The following ARMCX4 variants were observed in gnomAD, a reference collection of about 807,000 sequenced individuals.
ARMCX4 encodes the protein armadillo repeat containing X-linked 4.
A neutral mutation model predicts 34.7 loss-of-function variants in ARMCX4; 3 were observed. The observed-to-expected ratio is 0.09, with a 90% CI of 0.04 to 0.22. The LOEUF (loss-of-function observed/expected upper bound fraction) is 0.22. Ranked by LOEUF, ARMCX4 falls within the 10% of genes least tolerant of loss-of-function variation. ARMCX4 has a pLI of 1.00. For missense variants in ARMCX4, 1,448 were observed against 1,720.8 expected (o/e 0.84, Z 2.81); for synonymous variants, 513 against 632.8 (o/e 0.81, Z 2.84).
intron 12 of ARMCX4, chrX:101,532,724 T>C (rs375118569): frequency 7.2e-5 from 8 of 111,667 alleles, no homozygotes; most frequent in African/African-American, 2.6e-4. Flanking sequence ...AAGAATGAAG[T>C]TGATTATTGA....
Position 101,492,669 on chromosome X carries a change from C to T in ARMCX4, c.4080C>T (p.Ala1360=), listed in dbSNP as rs782153329. The stretch of plus-strand genomic sequence containing the variant: ...CTTGGGCTGACACTGCAGACCAAGC[C>T]AGTGGAGGGTCTAGGCTGGGCCACG... ...GRSWADTADQ[A]SGGSRLGHVD... Residue 1360 remains alanine, a synonymous_variant, in exon 6 of 6, where the codon GCC becomes GCT. Transcript: ENST00000423738. 5 of 1,130,636 alleles carry T rather than the reference C, an allele frequency of 4.4e-6. No homozygotes were observed. In the East Asian group the frequency reaches 1.6e-4, roughly 37 times the overall value. 93.2% of individuals were successfully genotyped at this position (1,130,636 alleles called of 1,213,427 possible).
At chrX:101,461,957 T>A (rs1932630872) in intron 4 of ARMCX4, among the ~76,000 whole-genome samples, 1 of 112,066 alleles carries the variant, frequency 8.9e-6, no homozygotes, top group African/African-American at 3.2e-5. Flanking sequence ...TTGTGATATG[T>A]TAGGCAGACT....
rs781918521 is a variant in ARMCX4, at chrX:101,491,198, C to T, written c.2609C>T (p.Pro870Leu). 1.7e-6 allele frequency: 2 copies of T among 1,154,772 alleles called. No individual in the cohort carries two copies. The highest frequency in any genetic ancestry group is 3.6e-5 in the African/African-American group (2 of 55,869). ...AREDTVGSTQPQVLASSQRET... is the reference protein window; with the variant it reads ...AREDTVGSTQLQVLASSQRET... The stretch of plus-strand genomic sequence containing the variant: ...GAAGATACAGTGGGCTCTACCCAGC[C>T]TCAGGTTTTGGCCAGCTCCCAGCGT... The change falls in exon 6 of 6, where the codon CCT (proline) becomes CTT (leucine). Residue 870 changes from proline (P) to leucine (L), a missense_variant. Physicochemically the swap from Pro to Leu is moderately conservative, Grantham distance 98. Transcript: ENST00000423738.
At chrX:101,510,993 CTT>C (rs1378952032) in intron 10 of ARMCX4, 1 of 111,191 alleles carries the variant, frequency 9.0e-6, no homozygotes, top group Non-Finnish European at 1.9e-5. Context: ...TATTTTGAAA[CTT>C]ATCAATAATA....
Position 101,522,162 on chromosome X carries a change from A to G in ARMCX4, c.*1781-9482A>G, listed in dbSNP as rs183937269. On this transcript the variant is annotated intron_variant and NMD_transcript_variant, in intron 11 of 12. Coordinates refer to the ARMCX4 transcript ENST00000354842. ...TTCCAATTCTGTCTACTTTTGCTTT[A>G]TGTATTTTGGGGATTTGTCATGAAG... is the stretch of plus-strand genomic sequence containing the variant. Among the ~76,000 whole-genome samples the G allele has an allele frequency of 2.0e-3, 219 of 111,308 alleles. 1 individual carries two copies. The highest frequency in any genetic ancestry group is 3.5e-3 in the Admixed American group (37 of 10,429).
At chrX:101,433,257 T>C (rs1171958767) in intron 2 of ARMCX4, among the ~76,000 whole-genome samples, 17 of 107,618 alleles carry the variant, frequency 1.6e-4, no homozygotes, top group East Asian at 8.9e-4. Flanking sequence ...TACACACATA[T>C]ATACATATAT....
intron 10 of ARMCX4, among the ~76,000 whole-genome samples, chrX:101,510,032 A>G (rs1324890250): frequency 8.9e-6 from 1 of 111,937 alleles, no homozygotes; most frequent in African/African-American, 3.2e-5. Flanking sequence ...TCCAACCAAC[A>G]TTCTTCTTCC....
Position 101,489,698 on chromosome X carries a change from C to T in ARMCX4, c.1109C>T (p.Ala370Val), listed in dbSNP as rs782532412. The T allele has an allele frequency of 8.7e-7, 1 of 1,154,157 alleles. No homozygotes were observed. Among genetic ancestry groups the T allele is most frequent in the Non-Finnish European group, 1.1e-6 (1 of 871,980 alleles). The change falls in exon 6 of 6, where the codon GCT (alanine) becomes GTT (valine). Residue 370 changes from alanine (A) to valine (V), a missense_variant. Physicochemically the swap from Ala to Val is moderately conservative, Grantham distance 64. Transcript: ENST00000423738. ...IQPQTVAKKQ[A>V]EVTSGARVDG... ...CCTCAGACTGTGGCCAAGAAACAGG[C>T]TGAGGTGACGTCTGGTGCCAGGGTT...
intron 2 of ARMCX4, among the ~76,000 whole-genome samples, chrX:101,426,013 G>T (rs782560337): frequency 1.4e-4 from 15 of 109,740 alleles, no homozygotes; most frequent in Non-Finnish European, 1.3e-4. Flanking sequence ...TGTAGACATG[G>T]GGTCTTGCCA....
chrX:101,437,568 C>G (rs1930888288), intron 2 of ARMCX4, among the ~76,000 whole-genome samples: 1 of 110,946 alleles, frequency 9.0e-6, no homozygotes, highest in Non-Finnish European at 1.9e-5. Context: ...AGCAGTCTAT[C>G]AATTTTGTTG....
downstream of ARMCX4, among the ~76,000 whole-genome samples, chrX:101,499,661 C>CCT (rs1451803953): frequency 8.9e-6 from 1 of 112,057 alleles, no homozygotes; most frequent in Non-Finnish European, 1.9e-5. Flanking sequence ...GTAAATACCA[C>CCT]AATGCACTGC....
chrX:101,496,139 CGAGA>C (rs1265130542), downstream of ARMCX4, among the ~76,000 whole-genome samples: 3 of 108,458 alleles, frequency 2.8e-5, no homozygotes, highest in East Asian at 2.9e-4. Flanking sequence ...AGGGTAGTGA[CGAGA>C]GAGAGAGAGA....
chrX:101,503,508 G>C (rs1934360278), intron 7 of ARMCX4, among the ~76,000 whole-genome samples: 2 of 111,803 alleles, frequency 1.8e-5, no homozygotes, highest in African/African-American at 3.3e-5. Flanking sequence ...TCTCATTGTG[G>C]TTTTGATTTG....
intron 2 of ARMCX4, chrX:101,419,078 A>G (rs1282762493): frequency 9.1e-5 from 10 of 109,622 alleles, no homozygotes; most frequent in Non-Finnish European, 1.5e-4. Context: ...CTCTGCAGAA[A>G]AACCTTAAAA....
At chrX:101,509,376 A>G in exon 9 of ARMCX4, 1 of 111,614 alleles carries the variant, frequency 9.0e-6, no homozygotes, top group East Asian at 2.8e-4. Flanking sequence ...CATATCTTCC[A>G]GTAGCTTCCT....
At chrX:101,525,850 G>T (rs782142086) in intron 11 of ARMCX4, among the ~76,000 whole-genome samples, 90 of 111,910 alleles carry the variant, frequency 8.0e-4, no homozygotes, top group Non-Finnish European at 6.8e-4. Flanking sequence ...GGGACTATGT[G>T]AAAAGACCAA....
downstream of ARMCX4, among the ~76,000 whole-genome samples, chrX:101,452,090 A>C (rs1462445619): frequency 8.9e-6 from 1 of 112,366 alleles, no homozygotes; most frequent in African/African-American, 3.2e-5. Flanking sequence ...TATATTTAAC[A>C]TTCCACACCG....
chrX:101,509,414 C>CCG (rs1934527234), exon 9 of ARMCX4: 1 of 111,275 alleles, frequency 9.0e-6, no homozygotes, highest in African/African-American at 3.3e-5. Flanking sequence ...AAGCACACTT[C>CCG]TGAGATCTTT....
At chrX:101,469,919 C>T (rs1932861660) in intron 4 of ARMCX4, among the ~76,000 whole-genome samples, 1 of 111,777 alleles carries the variant, frequency 8.9e-6, no homozygotes. Flanking sequence ...TTCTGAATAA[C>T]CTGTCCCTTA....
Sources: gnomAD v4.1 joint callset for allele counts (sites outside exome capture counted in the v4.1 genomes callset) on GRCh38, gnomAD v4.1.1 for gene constraint, MANE v1.5 for transcripts, NCBI Gene and HGNC (gene_info 2026-07-23, HGNC 2026-07-21) for gene names.